The following CAMK4 variants were observed in gnomAD, a reference collection of about 807,000 sequenced individuals.
CAMK4 encodes the protein calcium/calmodulin-dependent protein kinase type IV.
Under a neutral mutation model 44.9 loss-of-function variants are expected in CAMK4, and 22 were observed. That is an observed-to-expected ratio of 0.49 (90% CI 0.35 to 0.70). CAMK4 has a LOEUF of 0.70. CAMK4 is among the 30% of genes least tolerant of loss of function. CAMK4 has a pLI of 0.01. For missense variants in CAMK4, 498 were observed against 586.8 expected, an observed-to-expected ratio of 0.85 and a Z score of 1.56; for synonymous variants, 218 against 215.4, an observed-to-expected ratio of 1.01 and a Z score of -0.11.
chr5:111,395,230 A>AAAAAAAAAAAG (rs1561460468), intron 5 of CAMK4, among the ~76,000 whole-genome samples: 57 of 106,432 alleles, frequency 5.4e-4, no homozygotes, highest in East Asian at 1.7e-3. Context: ...AAAAAAAAGA[A>AAAAAAAAAAAG]AAAAAAAAAG....
At chr5:111,420,954 T>C (rs1298154596) in intron 5 of CAMK4, among the ~76,000 whole-genome samples, 1 of 151,834 alleles carries the variant, frequency 6.6e-6, no homozygotes, top group Admixed American at 6.6e-5. Flanking sequence ...TACATCCTCC[T>C]CAGCCGATGG....
At chr5:111,404,668 G>A (rs1036720974) in intron 5 of CAMK4, among the ~76,000 whole-genome samples, 1 of 152,020 alleles carries the variant, frequency 6.6e-6, no homozygotes, top group African/African-American at 2.4e-5. Context: ...ATTTTAACAC[G>A]AATGCTGGTC....
intron 5 of CAMK4, among the ~76,000 whole-genome samples, chr5:111,403,101 A>G (rs1752290062): frequency 6.6e-6 from 1 of 152,240 alleles, no homozygotes; most frequent in Non-Finnish European, 1.5e-5. Flanking sequence ...GCATACTTCT[A>G]AATAAAAAGA....
rs188713795 is a variant in CAMK4, at chr5:111,252,318, T to C, written c.161+27674T>C. 9.9e-4 allele frequency among the ~76,000 whole-genome samples: 151 copies of C among 152,314 alleles called. 1 individual carries two copies. Among genetic ancestry groups the C allele is most frequent in the African/African-American group, 3.1e-3 (130 of 41,564 alleles). ...AGAGATACAGGGCTCTTGCTGTAAATAGGATGGCATAACCATAAACCATGG... is the reference window on the plus strand; with the variant it reads ...AGAGATACAGGGCTCTTGCTGTAAACAGGATGGCATAACCATAAACCATGG... On this transcript the variant is annotated intron_variant, in intron 1 of 10. Transcript: ENST00000282356.
At chr5:111,277,840 T>C (rs1425602582) in intron 1 of CAMK4, among the ~76,000 whole-genome samples, 1 of 152,174 alleles carries the variant, frequency 6.6e-6, no homozygotes, top group Non-Finnish European at 1.5e-5. Context: ...GGTGAGAATC[T>C]AGGATGTGTT....
intron 1 of CAMK4, among the ~76,000 whole-genome samples, chr5:111,327,118 A>G (rs1748927150): frequency 6.6e-6 from 1 of 151,338 alleles, no homozygotes; most frequent in African/African-American, 2.4e-5. Flanking sequence ...TTAACTCGTC[A>G]TTTAGCATTA....
intron 1 of CAMK4, among the ~76,000 whole-genome samples, chr5:111,262,025 G>C (rs894153639): frequency 3.3e-5 from 5 of 152,032 alleles, no homozygotes; most frequent in African/African-American, 1.2e-4. Flanking sequence ...TAGGTCTGCA[G>C]AGTCATCCTT....
intron 1 of CAMK4, among the ~76,000 whole-genome samples, chr5:111,262,891 A>G (rs6594505): frequency 0.21 from 31,480 of 152,212 alleles, 3,349 homozygotes; most frequent in South Asian, 0.31. Context: ...AGGTGAATGT[A>G]TTTATCACAC....
At chr5:111,276,942 A>G (rs1356118147) in intron 1 of CAMK4, among the ~76,000 whole-genome samples, 2 of 152,190 alleles carry the variant, frequency 1.3e-5, no homozygotes, top group African/African-American at 4.8e-5. Flanking sequence ...CTTCAAAGGC[A>G]ATAAGCAATT....
chr5:111,443,106 C>T (rs1235605705), intron 5 of CAMK4, among the ~76,000 whole-genome samples: 1 of 149,290 alleles, frequency 6.7e-6, no homozygotes, highest in East Asian at 1.9e-4. Flanking sequence ...CATTTTCCTT[C>T]TACCTGTCTT....
chr5:111,474,321 G>A (rs1385077549), intron 8 of CAMK4, among the ~76,000 whole-genome samples: 1 of 152,232 alleles, frequency 6.6e-6, no homozygotes, highest in Non-Finnish European at 1.5e-5. Flanking sequence ...GTTTTCGGGG[G>A]CTGGAAGTCC....
At chr5:111,249,008 A>G (rs1048224156) in intron 1 of CAMK4, among the ~76,000 whole-genome samples, 9 of 152,122 alleles carry the variant, frequency 5.9e-5, no homozygotes, top group Non-Finnish European at 1.2e-4. Context: ...GATGTTTTTA[A>G]TGTGTTTGAA....
intron 5 of CAMK4, among the ~76,000 whole-genome samples, chr5:111,404,334 G>T (rs944940911): frequency 1.3e-5 from 2 of 152,180 alleles, no homozygotes; most frequent in Non-Finnish European, 2.9e-5. Context: ...TCTGTAAACT[G>T]TCTAGAACCA....
intron 1 of CAMK4, among the ~76,000 whole-genome samples, chr5:111,232,654 T>C (rs1748532036): frequency 6.6e-6 from 1 of 152,098 alleles, no homozygotes; most frequent in Non-Finnish European, 1.5e-5. Context: ...GAGAAAAACG[T>C]CAGCTATAGA....
At chr5:111,425,026 T>C (rs1442871383) in intron 5 of CAMK4, among the ~76,000 whole-genome samples, 1 of 151,982 alleles carries the variant, frequency 6.6e-6, no homozygotes, top group African/African-American at 2.4e-5. Flanking sequence ...TAGCTGGGCA[T>C]GGTGGCATGC....
chr5:111,256,300 G>A (rs1749742618), intron 1 of CAMK4, among the ~76,000 whole-genome samples: 1 of 152,146 alleles, frequency 6.6e-6, no homozygotes. Flanking sequence ...GGGTGGAATT[G>A]GGTGTGATCA....
chr5:111,285,487 C>G (rs1288953689), intron 1 of CAMK4, among the ~76,000 whole-genome samples: 1 of 152,174 alleles, frequency 6.6e-6, no homozygotes, highest in Non-Finnish European at 1.5e-5. Context: ...TCTATAAACA[C>G]ACTTAAAAGT....
chr5:111,277,242 A>T (rs191999466), intron 1 of CAMK4, among the ~76,000 whole-genome samples: 2 of 152,362 alleles, frequency 1.3e-5, no homozygotes, highest in East Asian at 3.9e-4. Context: ...TTTGGAGGCC[A>T]CAGGCTTTCA....
intron 5 of CAMK4, among the ~76,000 whole-genome samples, chr5:111,427,173 A>G (rs1392738498): frequency 6.6e-6 from 1 of 152,148 alleles, no homozygotes; most frequent in East Asian, 1.9e-4. Context: ...ACAGCAGGAT[A>G]GGGCAACAGT....
Sources: allele counts gnomAD v4.1 joint callset (sites outside exome capture counted in the v4.1 genomes callset), GRCh38; gene constraint gnomAD v4.1.1; transcripts MANE v1.5; gene names NCBI Gene and HGNC (gene_info 2026-07-23, HGNC 2026-07-21).